DNAJC3: variants seen among roughly 807,000 people sequenced by gnomAD.
The protein encoded by DNAJC3 is dnaJ homolog subfamily C member 3.
A neutral mutation model predicts 68.6 loss-of-function variants in DNAJC3; 38 were observed. The observed-to-expected ratio is 0.55, with a 90% CI of 0.43 to 0.73. The LOEUF (loss-of-function observed/expected upper bound fraction) is 0.73, where lower values mean the gene tolerates loss of function less well. DNAJC3 is among the 30% of genes least tolerant of loss of function. The pLI is 0.00. For synonymous variants in DNAJC3, 203 were observed against 204.0 expected, an observed-to-expected ratio of 1.00 and a Z score of 0.04; for missense variants, 526 against 591.9, an observed-to-expected ratio of 0.89 and a Z score of 1.16.
intron 11 of DNAJC3, 89 bp downstream of exon 11, chr13:95,787,244 G>A: frequency 2.0e-6 from 3 of 1,497,930 alleles, no homozygotes; most frequent in Non-Finnish European, 2.7e-6. Context: ...ACGTGGGGCT[G>A]TATAGGCAGT....
At chr13:95,733,574 G>GT (rs1315111925) in intron 4 of DNAJC3, among the ~76,000 whole-genome samples, 1 of 151,800 alleles carries the variant, frequency 6.6e-6, no homozygotes, top group African/African-American at 2.4e-5. Context: ...TAATTTTTAT[G>GT]TTTTTAGTAG....
intron 9 of DNAJC3, among the ~76,000 whole-genome samples, chr13:95,780,904 G>A (rs1594027320): frequency 1.3e-5 from 2 of 152,178 alleles, no homozygotes; most frequent in African/African-American, 4.8e-5. Context: ...ATATTGTGAA[G>A]GAAAGCTGAT....
chr13:95,770,233 C>A (rs917498141), intron 9 of DNAJC3, among the ~76,000 whole-genome samples: 1 of 151,386 alleles, frequency 6.6e-6, no homozygotes, highest in African/African-American at 2.4e-5. Flanking sequence ...TGAGTGTGAT[C>A]TCAAGTAATG....
chr13:95,677,477 C>A, intron 1 of DNAJC3, 140 bp downstream of exon 1: 1 of 811,334 alleles, frequency 1.2e-6, no homozygotes, highest in Non-Finnish European at 1.8e-6. Context: ...CTGGCTTGGG[C>A]CTGAGCCCGC....
chr13:95,706,025 T>G (rs73550545), intron 1 of DNAJC3, among the ~76,000 whole-genome samples: 2,603 of 152,344 alleles, frequency 0.017, 79 homozygotes, highest in African/African-American at 0.06. Context: ...TATTAAATGT[T>G]AAATTAATAT....
chr13:95,788,543 TATGTTTAGTAGA>T (rs2139700101), intron 11 of DNAJC3, among the ~76,000 whole-genome samples: 1 of 152,366 alleles, frequency 6.6e-6, no homozygotes, highest in Admixed American at 6.5e-5. Context: ...TATTTAGGAA[TATGTTTAGTAGA>T]ATCACATGAT....
chr13:95,705,895 A>G (rs1185190437), intron 1 of DNAJC3, among the ~76,000 whole-genome samples: 1 of 152,116 alleles, frequency 6.6e-6, no homozygotes, highest in Admixed American at 6.5e-5. Context: ...CCTCTCATGG[A>G]CATAAGTGGC....
At chr13:95,694,384 C>T (rs1880369775) in intron 1 of DNAJC3, 1 of 152,562 alleles carries the variant, frequency 6.6e-6, no homozygotes. Context: ...AATACCACAA[C>T]CCACAGCACC....
chr13:95,678,622 G>A (rs1445846121), intron 1 of DNAJC3, among the ~76,000 whole-genome samples: 1 of 152,022 alleles, frequency 6.6e-6, no homozygotes, highest in Non-Finnish European at 1.5e-5. Flanking sequence ...CATTCCTCCT[G>A]CCCCCGCACC....
chr13:95,782,205 G>A (rs1189569523), intron 9 of DNAJC3, among the ~76,000 whole-genome samples: 2 of 152,132 alleles, frequency 1.3e-5, no homozygotes, highest in Admixed American at 1.3e-4. Context: ...GTCTATCATT[G>A]ATAGACATTT....
At chr13:95,694,984 T>A (rs1880395182) in intron 1 of DNAJC3, 1 of 152,540 alleles carries the variant, frequency 6.6e-6, no homozygotes, top group African/African-American at 2.4e-5. Context: ...AGGCCAAATA[T>A]CATTCTGAGG....
At chr13:95,790,564 T>C (rs1883737958) in intron 11 of DNAJC3, among the ~76,000 whole-genome samples, 1 of 152,224 alleles carries the variant, frequency 6.6e-6, no homozygotes, top group Non-Finnish European at 1.5e-5. Flanking sequence ...AATTATTTTT[T>C]TCCAAATAAT....
intron 1 of DNAJC3, among the ~76,000 whole-genome samples, chr13:95,677,827 C>T (rs1369886814): frequency 2.0e-5 from 3 of 152,164 alleles, no homozygotes; most frequent in South Asian, 2.1e-4. Context: ...ACAGTGTTGA[C>T]TATTTAAAAA....
intron 7 of DNAJC3, among the ~76,000 whole-genome samples, chr13:95,762,136 C>T (rs1882843227): frequency 6.6e-6 from 1 of 152,156 alleles, no homozygotes; most frequent in Non-Finnish European, 1.5e-5. Context: ...GTGGCGCATG[C>T]CTGTAATCCC....
At chr13:95,785,907 T>G (rs372762550) in intron 9 of DNAJC3, 32 bp from the exon 10 acceptor site, 51 of 1,538,696 alleles carry the variant, frequency 3.3e-5, no homozygotes, top group Non-Finnish European at 3.9e-5. Context: ...ATAATTTGCC[T>G]TAACAATATT....
chr13:95,747,007 T>TTG lies in DNAJC3; in HGVS notation c.394-10636_394-10635dup, dbSNP rs1299258005. On this transcript the variant is annotated intron_variant, in intron 4 of 11. Transcript: ENST00000602402. ...TTACTATATATTTGCTATTCATGCT[T>TTG]TGGGCTTACGTGGATAATATTTAAA... Among the ~76,000 whole-genome samples, 3 of 152,330 alleles carry TTG rather than the reference T, an allele frequency of 2.0e-5. No homozygotes were observed. In the East Asian group the frequency reaches 5.8e-4, roughly 29 times the overall value.
chr13:95,719,047 G>T (rs1170741404), intron 2 of DNAJC3, among the ~76,000 whole-genome samples: 2 of 152,226 alleles, frequency 1.3e-5, no homozygotes, highest in African/African-American at 4.8e-5. Context: ...TGTAAATGAG[G>T]ATTCCCATGA....
chr13:95,757,732 C>G lies in DNAJC3; in HGVS notation c.482C>G (p.Ala161Gly). The G allele has an allele frequency of 2.5e-6, 4 of 1,579,176 alleles. No homozygotes were observed. In the South Asian group the frequency reaches 4.5e-5, roughly 18 times the overall value. Residue 161 changes from alanine (A) to glycine (G), a missense_variant, in exon 5 of 12, where the codon GCA becomes GGA. By Grantham distance (60) the Ala-to-Gly change is moderately conservative (BLOSUM62 0). Transcript: ENST00000602402. ...SDEMQRLRSQ[A>G]LNAFGSGDYT... is the part of the protein sequence containing the mutation. ...GAAATGCAGCGTTTGCGTTCACAAG[C>G]ACTTAACGCTTTTGGAAGTGGAGAT...
At chr13:95,755,756 CAAAAAAAAAAAAAAAAA>C (rs56659621) in intron 4 of DNAJC3, among the ~76,000 whole-genome samples, 4 of 15,086 alleles carry the variant, frequency 2.7e-4, no homozygotes, top group Admixed American at 2.0e-3. Context: ...GACGCCGTCT[CAAAAAAAAAAAAAAAAA>C]AAAAAAAAAA....
Sources: allele counts gnomAD v4.1 joint callset (sites outside exome capture counted in the v4.1 genomes callset), GRCh38; gene constraint gnomAD v4.1.1; transcripts MANE v1.5; gene names NCBI Gene and HGNC (gene_info 2026-07-23, HGNC 2026-07-21).